Variants in SUN2 observed in about 807,000 individuals in gnomAD.
SUN2 encodes SUN domain-containing protein 2.
SUN2 carries 60 observed loss-of-function variants against 100.0 expected under a neutral mutation model. The observed-to-expected ratio is 0.60, with a 90% CI of 0.49 to 0.74. The LOEUF (loss-of-function observed/expected upper bound fraction) is 0.74, where lower values mean the gene tolerates loss of function less well. SUN2 is among the 30% of genes least tolerant of loss of function. The probability of loss-of-function intolerance (pLI) is 0.00; values close to 1 mark genes in which losing one functional copy is unlikely to be tolerated. For missense variants in SUN2, 834 were observed against 954.6 expected, an observed-to-expected ratio of 0.87 and a Z score of 1.66; for synonymous variants, 367 against 403.3, an observed-to-expected ratio of 0.91 and a Z score of 1.08.
chr22:38,738,782 C>T lies in SUN2; in HGVS notation c.1780-28G>A. ...GGAGGAGCAGAAAGTCATGTCAGGA[C>T]AGGGCCCTGAGTCCAGCTCTTGCTG... On this transcript the variant is annotated intron_variant, in intron 15 of 17. Coordinates refer to ENST00000689035, the MANE Select transcript of SUN2 (RefSeq NM_015374.3). This position sits in a 1 kb window ranked among gnomAD's most constrained non-coding sequence, Gnocchi z 6.6. The T allele has an allele frequency of 6.2e-7, 1 of 1,609,738 alleles. No individual in the cohort carries two copies. The highest frequency in any genetic ancestry group is 1.7e-5 in the Admixed American group (1 of 59,904).
chr22:38,739,901 G>C lies in SUN2; in HGVS notation c.1399C>G (p.Arg467Gly), dbSNP rs766680217. 5.0e-6 allele frequency: 8 copies of C among 1,612,732 alleles called. No individual in the cohort carries two copies. The highest frequency in any genetic ancestry group is 4.0e-5 in the African/African-American group (3 of 74,930). Residue 467 changes from arginine (R) to glycine (G), a missense_variant, in exon 13 of 18, where the codon CGA (arginine) becomes GGA (glycine). Physicochemically the swap from Arg to Gly is moderately radical, Grantham distance 125 (BLOSUM62 -2). Transcript: ENST00000689035. The surrounding 1 kb of genome is among the most constrained non-coding windows in gnomAD (Gnocchi z 6.7). ...FPAWISQFLA[R>G]GGGGRVGLLQ... is the part of the protein sequence containing the mutation. Reference sequence around the variant, plus strand: ...AGCCCCACGCGGCCCCCTCCACCTCGGGCAAGGAACTGACTGATCCAGGCC... The same window carrying C: ...AGCCCCACGCGGCCCCCTCCACCTCCGGCAAGGAACTGACTGATCCAGGCC...
rs769989416 is a variant in SUN2 at position 38,741,493 on chromosome 22, C to A, written c.1146+1G>T. 6.2e-7 allele frequency: 1 copy of A among 1,613,894 alleles called. No individual in the cohort carries two copies. Among genetic ancestry groups the A allele is most frequent in the Non-Finnish European group, 8.5e-7 (1 of 1,180,018 alleles). ...GCCCTGAGTGCCGCAAGCCCGCTGA[C>A]CTGGGAGGCCCGGACGATCTTCTTG... On this transcript the variant is annotated splice_donor_variant, in intron 10 of 17. Coordinates refer to ENST00000689035, the MANE Select transcript of SUN2 (RefSeq NM_015374.3). LOFTEE classifies it high-confidence loss of function.
Position 38,745,614 on chromosome 22 carries a change from C to T in SUN2, c.813+70G>A, listed in dbSNP as rs961100203. On this transcript the variant is annotated intron_variant, in intron 8 of 17. Coordinates refer to ENST00000689035, the MANE Select transcript of SUN2 (RefSeq NM_015374.3). ...TGTACGGTGTGAGGCAGGCTGAGGG[C>T]GCACCCACCACTTTCACCGTCACCT... 143 of 1,581,544 alleles carry T rather than the reference C, an allele frequency of 9.0e-5. No individual in the cohort carries two copies. The African/African-American group carries it at 1.1e-3, about 13-fold the overall frequency.
At chr22:38,754,725 C>G in intron 1 of SUN2, 1 of 1,289,010 alleles carries the variant, frequency 7.8e-7, no homozygotes, top group Non-Finnish European at 1.0e-6. Context: ...AGGGCAGAAA[C>G]AAGGCAACAT....
In SUN2 at chr22:38,748,737, G is replaced by A. The variant is rs777685939; in HGVS notation, c.661C>T (p.Leu221Phe). 2 of 1,614,266 alleles carry A rather than the reference G, an allele frequency of 1.2e-6. No homozygotes were observed. Among genetic ancestry groups the A allele is most frequent in the Non-Finnish European group, 1.7e-6 (2 of 1,180,054 alleles). Reference protein sequence around the residue: ...KTFLWFLLPLLLLTCLTYGAW... With the variant: ...KTFLWFLLPLFLLTCLTYGAW... ...CCATACGTCAGGCACGTCAGCAAGA[G>A]CAGCGGCAGCAGGAACCAGAGGAAC... is the stretch of plus-strand genomic sequence containing the variant. Residue 221 changes from leucine to phenylalanine, a missense_variant, in exon 7 of 18, where the codon CTC (leucine) becomes TTC (phenylalanine). By Grantham distance (22) the Leu-to-Phe change is conservative. Transcript: ENST00000689035.
At chr22:38,741,416 G>C (rs2092856582) in intron 10 of SUN2, 78 bp downstream of exon 10, 3 of 1,441,564 alleles carry the variant, frequency 2.1e-6, no homozygotes, top group Non-Finnish European at 2.9e-6. Context: ...CCTTTGGAAG[G>C]GCCGAGGGGT....
chr22:38,745,553 G>A (rs2146023024), intron 8 of SUN2, 131 bp downstream of exon 8: 1 of 1,228,108 alleles, frequency 8.1e-7, no homozygotes. Flanking sequence ...TCTGTGCCTT[G>A]TAAGATGGCA....
chr22:38,738,392 C>T lies in SUN2; in HGVS notation c.1948-127G>A, dbSNP rs962154811. On this transcript the variant is annotated intron_variant, in intron 16 of 17. Transcript: ENST00000689035. This position sits in a 1 kb window ranked among gnomAD's most constrained non-coding sequence, Gnocchi z 6.6. ...GTGGCCTATGACAAGTCACTTCACTCTCTTGTGCCACAGTTTCTGCCTCCA... is the reference window on the plus strand; with the variant it reads ...GTGGCCTATGACAAGTCACTTCACTTTCTTGTGCCACAGTTTCTGCCTCCA... 2 of 1,096,372 alleles carry T rather than the reference C, an allele frequency of 1.8e-6. No homozygotes were observed. The highest frequency in any genetic ancestry group is 2.6e-6 in the Non-Finnish European group (2 of 757,334). 67.9% of individuals were successfully genotyped at this position (1,096,372 alleles called of 1,614,324 possible). A position where few individuals can be genotyped will look rare whatever the true frequency, so the allele number is the denominator to read the frequency against.
intron 2 of SUN2, 138 bp from the exon 3 acceptor site, chr22:38,751,511 T>G: frequency 2.8e-5 from 22 of 785,486 alleles, no homozygotes; most frequent in Non-Finnish European, 3.8e-5. Context: ...GCAGCTGCCA[T>G]TCCCCTGACT....
Position 38,751,234 on chromosome 22 carries a change from C to T in SUN2, c.262G>A (p.Glu88Lys). The T allele has an allele frequency of 1.2e-6, 2 of 1,613,600 alleles. No individual in the cohort carries two copies. ...SWFPPRSSLEELHGDANWGED... is the reference protein window; with the variant it reads ...SWFPPRSSLEKLHGDANWGED... ...CCCCAGTTGGCGTCACCATGCAGTT[C>T]CTCCAGGGAGCTCCTGGGTGGGAAC... is the stretch of plus-strand genomic sequence containing the variant. The change falls in exon 3 of 18, where the codon GAA (glutamate) becomes AAA (lysine). Residue 88 changes from glutamate to lysine, a missense_variant. Glu to Lys is a moderately conservative substitution (Grantham distance 56). Transcript: ENST00000689035.
At chr22:38,751,556 T>G in intron 2 of SUN2, 183 bp from the exon 3 acceptor site, 1 of 615,356 alleles carries the variant, frequency 1.6e-6, no homozygotes, top group Non-Finnish European at 2.8e-6. Context: ...CTGTTCTCTC[T>G]GAATCTCACC....
intron 1 of SUN2, among the ~76,000 whole-genome samples, chr22:38,753,858 C>T (rs1392608708): frequency 6.6e-6 from 1 of 152,192 alleles, no homozygotes; most frequent in African/African-American, 2.4e-5. Flanking sequence ...GGGCCTGGGT[C>T]TTTCTACTCA....
chr22:38,738,449 C>T lies in SUN2; in HGVS notation c.1947+138G>A. 1 of 1,261,798 alleles carries T rather than the reference C, an allele frequency of 7.9e-7. No homozygotes were observed. Among genetic ancestry groups the T allele is most frequent in the Non-Finnish European group, 1.1e-6 (1 of 898,758 alleles). The allele number at this position is 1,261,798 out of a possible 1,614,324, so 78.2% of individuals were successfully genotyped here. ...AAGGTAACAGGGACTGAAGTGCTGT[C>T]TCCCACCCTAGCTCCTCCTCTTCCA... On this transcript the variant is annotated intron_variant, in intron 16 of 17. Transcript: ENST00000689035. The surrounding 1 kb of genome is among the most constrained non-coding windows in gnomAD (Gnocchi z 6.6).
intron 8 of SUN2, chr22:38,743,561 T>G (rs1603222659): frequency 8.3e-6 from 1 of 120,582 alleles, no homozygotes; most frequent in Non-Finnish European, 1.6e-5. Flanking sequence ...CACTTTAGTC[T>G]GGGCAACAAG....
chr22:38,744,960 C>T (rs533197539), intron 8 of SUN2: 11 of 444,880 alleles, frequency 2.5e-5, no homozygotes, highest in Middle Eastern at 3.4e-4. Flanking sequence ...TCCCTGCAGC[C>T]GCACCTCTGT....
At chr22:38,751,537 C>T (rs762622597) in intron 2 of SUN2, 164 bp from the exon 3 acceptor site, 13 of 672,028 alleles carry the variant, frequency 1.9e-5, no homozygotes, top group Non-Finnish European at 2.8e-5. Flanking sequence ...AATGCTGGCA[C>T]GTCCTCTCCT....
chr22:38,754,632 C>G (rs376177935), intron 1 of SUN2: 59 of 1,207,674 alleles, frequency 4.9e-5, no homozygotes, highest in East Asian at 1.2e-4. Flanking sequence ...CCCGCCCGTA[C>G]GGTCCCTACC....
intron 1 of SUN2, 118 bp from the exon 2 acceptor site, chr22:38,752,783 C>T (rs2092957081): frequency 1.7e-6 from 2 of 1,178,878 alleles, no homozygotes; most frequent in South Asian, 1.5e-5. Flanking sequence ...CCCCCCGGCC[C>T]CCGGCCCCCG....
chr22:38,752,413 G>C, intron 2 of SUN2, 94 bp downstream of exon 2: 1 of 1,481,104 alleles, frequency 6.8e-7, no homozygotes, highest in East Asian at 2.3e-5. Flanking sequence ...GTTGCAACAA[G>C]AAGGCAGGGG....
Sources: allele counts gnomAD v4.1 joint callset (sites outside exome capture counted in the v4.1 genomes callset), GRCh38; gene constraint gnomAD v4.1.1; non-coding constraint Gnocchi (gnomAD v3.1); transcripts MANE v1.5; gene names NCBI Gene and HGNC (gene_info 2026-07-23, HGNC 2026-07-21).